The following GGT1 variants were observed in gnomAD, a reference collection of about 807,000 sequenced individuals.
GGT1 encodes gamma-glutamyltransferase 1, also known as glutathione hydrolase 1 proenzyme.
In GGT1, 21 loss-of-function variants were observed where a neutral mutation model predicts 56.0. That is an observed-to-expected ratio of 0.38 (90% CI 0.27 to 0.54). GGT1 has a LOEUF of 0.54. Ranked by LOEUF, GGT1 falls within the 20% of genes least tolerant of loss-of-function variation. The pLI, the probability that GGT1 is intolerant of heterozygous loss-of-function variation, is 0.82. For missense variants in GGT1, 466 were observed against 787.0 expected (o/e 0.59, Z 4.88); for synonymous variants, 238 against 342.6 (o/e 0.69, Z 3.37).
Position 24,628,270 on chromosome 22 carries a change from C to T in GGT1, c.1450-5C>T. 1 of 1,611,990 alleles carries T rather than the reference C, an allele frequency of 6.2e-7. No individual in the cohort carries two copies. Among genetic ancestry groups the T allele is most frequent in the Non-Finnish European group, 8.5e-7 (1 of 1,179,848 alleles). On this transcript the variant is annotated splice_region_variant and splice_polypyrimidine_tract_variant and intron_variant, in intron 14 of 15. Transcript: ENST00000400382. This position sits in a 1 kb window ranked among gnomAD's most constrained non-coding sequence, Gnocchi z 5.7. The stretch of plus-strand genomic sequence containing the variant: ...AGCCATGCTGATCACACTCCCATGC[C>T]CCAGGCCATCATCTACAACCTCTGG...
the GGT1 span, chr22:24,586,201 G>A: frequency 3.7e-6 from 6 of 1,613,664 alleles, no homozygotes; most frequent in South Asian, 6.6e-5. Context: ...GCAGGAGCTG[G>A]GTGAGGCGGG....
the GGT1 span, chr22:24,588,838 G>A: frequency 9.9e-7 from 1 of 1,011,850 alleles, no homozygotes; most frequent in Non-Finnish European, 1.2e-6. Flanking sequence ...ACAGGGCTGG[G>A]GGATGTAATG....
At chr22:24,611,731 A>G (rs1175295857) in intron 5 of GGT1, among the ~76,000 whole-genome samples, 1 of 151,296 alleles carries the variant, frequency 6.6e-6, no homozygotes, top group African/African-American at 2.4e-5. Context: ...AAGTCTCCCA[A>G]GTAGCTGGGA....
At chr22:24,588,785 C>T in the GGT1 span, 1 of 1,025,142 alleles carries the variant, frequency 9.8e-7, no homozygotes, top group Non-Finnish European at 1.2e-6. Flanking sequence ...CTTCCTCTCA[C>T]TCTCCAAGCG....
At chr22:24,603,723 AACAGACAGGCCCTGG>A (rs1232493271) in intron 1 of GGT1, among the ~76,000 whole-genome samples, 196 bp downstream of exon 1, 2 of 151,906 alleles carry the variant, frequency 1.3e-5, no homozygotes, top group Non-Finnish European at 2.9e-5. Flanking sequence ...GTGCAGCATG[AACAGACAGGCCCTGG>A]AGGATCTGGC....
At chr22:24,586,234 C>T in the GGT1 span, 1 of 1,613,690 alleles carries the variant, frequency 6.2e-7, no homozygotes, top group South Asian at 1.1e-5. Flanking sequence ...GGCTGGGCAG[C>T]AGGAGGTGCA....
chr22:24,605,959 TATATTAC>T (rs1175151010), intron 1 of GGT1, among the ~76,000 whole-genome samples: 1 of 83,308 alleles, frequency 1.2e-5, no homozygotes, highest in African/African-American at 5.0e-5. Context: ...TTATATATAA[TATATTAC>T]ATATAATATA....
chr22:24,586,651 C>G, the GGT1 span, among the ~76,000 whole-genome samples: 1 of 152,264 alleles, frequency 6.6e-6, no homozygotes, highest in South Asian at 2.1e-4. Context: ...CCTGCTTCAG[C>G]CTCCCAAGTA....
chr22:24,589,741 C>G, the GGT1 span: 1 of 1,467,410 alleles, frequency 6.8e-7, no homozygotes, highest in Non-Finnish European at 9.1e-7. Flanking sequence ...GACCTAGCCT[C>G]CCAGTCCCCA....
chr22:24,592,128 CG>C (rs1272186695), upstream of GGT1: 3 of 375,722 alleles, frequency 8.0e-6, no homozygotes, highest in Admixed American at 9.2e-5. Context: ...GGGGTGGGGA[CG>C]GGGTGGTGAG....
chr22:24,593,016 C>T, upstream of GGT1: 1 of 1,091,826 alleles, frequency 9.2e-7, no homozygotes, highest in Non-Finnish European at 1.1e-6. Flanking sequence ...CGGGCCCGGC[C>T]CGCCGGCCCA....
rs1358648745 is a variant in GGT1, at chr22:24,611,096, A to G, written c.15A>G (p.Leu5=). Residue 5 remains leucine, a synonymous_variant, in exon 5 of 16, where the codon TTA becomes TTG. Coordinates refer to ENST00000400382, the MANE Select transcript of GGT1 (RefSeq NM_001288833.2). MKKK[L]VVLGLLAVVL... is the part of the protein sequence containing the mutation. ...GCAGCAGAGCCATGAAGAAGAAGTT[A>G]GTGGTGCTGGGCCTGCTGGCCGTGG... is the stretch of plus-strand genomic sequence containing the variant. 1 of 1,603,762 alleles carries G rather than the reference A, an allele frequency of 6.2e-7. No homozygotes were observed. The highest frequency in any genetic ancestry group is 8.5e-7 in the Non-Finnish European group (1 of 1,175,666).
At chr22:24,585,727 C>G in the GGT1 span, 16 of 872,736 alleles carry the variant, frequency 1.8e-5, no homozygotes, top group East Asian at 2.7e-5. Context: ...GGCTGGCCAC[C>G]TGGCCACCTA....
At chr22:24,591,818 G>A (rs1438336733), upstream of GGT1, among the ~76,000 whole-genome samples, 1 of 152,252 alleles carries the variant, frequency 6.6e-6, no homozygotes, top group Non-Finnish European at 1.5e-5. Flanking sequence ...GGCAGACCCA[G>A]ACAGGGCCCC....
upstream of GGT1, among the ~76,000 whole-genome samples, chr22:24,602,421 C>T (rs2330796): frequency 6.6e-6 from 1 of 152,226 alleles, no homozygotes; most frequent in Non-Finnish European, 1.5e-5. Flanking sequence ...GGAACGTAAG[C>T]GTGAGCCTTG....
chr22:24,587,050 A>G, the GGT1 span, among the ~76,000 whole-genome samples: 1,062 of 152,322 alleles, frequency 7.0e-3, 11 homozygotes, highest in African/African-American at 0.024. Flanking sequence ...TAACTCTTCC[A>G]TGGCCACACA....
rs1469751301 is a variant in GGT1, at chr22:24,628,226, C to G, written c.1449+33C>G. 1 of 1,611,960 alleles carries G rather than the reference C, an allele frequency of 6.2e-7. No individual in the cohort carries two copies. Among genetic ancestry groups the G allele is most frequent in the Non-Finnish European group, 8.5e-7 (1 of 1,179,848 alleles). ...TCACACCTTTTCTCCCTGGCCGTGC[C>G]CACCCTGCACAGCCCCCAAGCCATG... is the stretch of plus-strand genomic sequence containing the variant. On this transcript the variant is annotated intron_variant, in intron 14 of 15. Coordinates refer to ENST00000400382, the MANE Select transcript of GGT1 (RefSeq NM_001288833.2). This position sits in a 1 kb window ranked among gnomAD's most constrained non-coding sequence, Gnocchi z 5.7.
At chr22:24,591,241 A>G (rs1013408055), upstream of GGT1, among the ~76,000 whole-genome samples, 9 of 152,184 alleles carry the variant, frequency 5.9e-5, no homozygotes, top group African/African-American at 2.2e-4. Flanking sequence ...CACCACGCCC[A>G]GCTAATTTTG....
upstream of GGT1, among the ~76,000 whole-genome samples, chr22:24,594,443 G>A (rs1188822752): frequency 1.3e-5 from 2 of 149,872 alleles, no homozygotes; most frequent in African/African-American, 2.5e-5. Context: ...ATTACCCTAT[G>A]AAGATTCAAG....
Sources: gnomAD v4.1 joint callset for allele counts (sites outside exome capture counted in the v4.1 genomes callset) on GRCh38, gnomAD v4.1.1 for gene constraint, Gnocchi (gnomAD v3.1) non-coding constraint, MANE v1.5 for transcripts, NCBI Gene and HGNC (gene_info 2026-07-23, HGNC 2026-07-21) for gene names.